The following GFRA2 variants were observed in gnomAD, a reference collection of about 807,000 sequenced individuals.
The protein encoded by GFRA2 is GDNF family receptor alpha 2.
A neutral mutation model predicts 48.3 loss-of-function variants in GFRA2; 17 were observed. The observed-to-expected ratio is 0.35, with a 90% CI of 0.24 to 0.53. The LOEUF (loss-of-function observed/expected upper bound fraction) is 0.53. GFRA2 is among the 20% of genes least tolerant of loss of function. The pLI, the probability that GFRA2 is intolerant of heterozygous loss-of-function variation, is 0.93. For synonymous variants in GFRA2, 305 were observed against 257.2 expected (o/e 1.19, Z -1.78); for missense variants, 660 against 637.3 (o/e 1.04, Z -0.38).
chr8:21,789,940 G>T, upstream of GFRA2: 1 of 383,614 alleles, frequency 2.6e-6, no homozygotes, highest in South Asian at 1.1e-4. Context: ...CCGGGGCTCC[G>T]CAGCCGGCTG....
rs760531051 is a variant in GFRA2 at position 21,694,481 on chromosome 8, T to G, written c.1255A>C (p.Ser419Arg). ...GLKANNSKEL[S>R]MCFTELTTNI... ...CAACTCACCTCTGTGAAGCACATGCTTAACTCTTTGGAGTTGTTGGCCTTC... is the reference window on the plus strand; with the variant it reads ...CAACTCACCTCTGTGAAGCACATGCGTAACTCTTTGGAGTTGTTGGCCTTC... The change falls in exon 8 of 9, where the codon AGC becomes CGC. Residue 419 changes from serine to arginine, a missense_variant. Ser to Arg is a moderately radical substitution (Grantham distance 110). Coordinates refer to ENST00000524240, the MANE Select transcript of GFRA2 (RefSeq NM_001495.5). The G allele has an allele frequency of 6.2e-7, 1 of 1,612,530 alleles. No individual in the cohort carries two copies.
Position 21,702,856 on chromosome 8 carries a change from A to C in GFRA2, c.1167T>G (p.Ser389Arg). 1 of 1,610,302 alleles carries C rather than the reference A, an allele frequency of 6.2e-7. No homozygotes were observed. The highest frequency in any genetic ancestry group is 8.5e-7 in the Non-Finnish European group (1 of 1,178,090). The change falls in exon 7 of 9, where the codon AGT becomes AGG. Residue 389 changes from serine to arginine, a missense_variant. Ser to Arg is a moderately radical substitution (Grantham distance 110, BLOSUM62 -1). Coordinates refer to ENST00000524240, the MANE Select transcript of GFRA2 (RefSeq NM_001495.5). ...EKTPSLPDDL[S>R]DSTSLGTSVI... ...CACTGGTCCCCAAGCTGGTACTGTCACTGAGGTCATCTGGCAAAGAAGGCG... is the reference window on the plus strand; with the variant it reads ...CACTGGTCCCCAAGCTGGTACTGTCCCTGAGGTCATCTGGCAAAGAAGGCG...
rs139210291 is a variant in GFRA2, at chr8:21,701,117, G to A, written c.1218+1688C>T. 2.3e-3 allele frequency among the ~76,000 whole-genome samples: 348 copies of A among 152,342 alleles called. 1 individual carries two copies. The highest frequency in any genetic ancestry group is 7.8e-3 in the African/African-American group (326 of 41,580). On this transcript the variant is annotated intron_variant, in intron 7 of 8. Transcript: ENST00000524240. ...AGGTGCTCATTAAAAACATTGTGCC[G>A]GGCGCGGGGGCTCACGCCTGTAATC... is the stretch of plus-strand genomic sequence containing the variant.
intron 3 of GFRA2, among the ~76,000 whole-genome samples, chr8:21,762,850 C>T (rs1360604787): frequency 6.6e-6 from 1 of 151,986 alleles, no homozygotes; most frequent in East Asian, 1.9e-4. Context: ...TTTTACCATT[C>T]TCATACAAAA....
At chr8:21,757,901 C>T (rs545806416) in intron 3 of GFRA2, among the ~76,000 whole-genome samples, 20 of 152,254 alleles carry the variant, frequency 1.3e-4, no homozygotes, top group African/African-American at 4.8e-4. Flanking sequence ...AATGATAACA[C>T]CTATGTTGGT....
intron 3 of GFRA2, among the ~76,000 whole-genome samples, chr8:21,753,938 G>A (rs1456518305): frequency 1.3e-5 from 2 of 152,152 alleles, no homozygotes; most frequent in Non-Finnish European, 2.9e-5. Context: ...CGTGGCCACA[G>A]GGCCTTTGCA....
intron 4 of GFRA2, among the ~76,000 whole-genome samples, chr8:21,719,017 G>GC (rs942343547): frequency 2.0e-5 from 3 of 151,790 alleles, no homozygotes; most frequent in Non-Finnish European, 4.4e-5. Context: ...TGCCTCCTTG[G>GC]CCCCCCCTTG....
chr8:21,767,205 C>G (rs1806209852), intron 3 of GFRA2, among the ~76,000 whole-genome samples: 1 of 148,064 alleles, frequency 6.8e-6, no homozygotes, highest in Admixed American at 6.8e-5. Flanking sequence ...CTACACATAT[C>G]CACCATGCCC....
chr8:21,810,802 G>A (rs1179424594), intron 1 of GFRA2, among the ~76,000 whole-genome samples: 1 of 152,172 alleles, frequency 6.6e-6, no homozygotes, highest in African/African-American at 2.4e-5. Context: ...TGAGGTGTAA[G>A]TGAGGCTCCT....
At position 21,762,837 on chromosome 8, in the gene GFRA2, G is replaced by A. The variant is rs149349403; in HGVS notation, c.440-11895C>T. Among the ~76,000 whole-genome samples the A allele has an allele frequency of 5.4e-3, 827 of 151,924 alleles. 57 individuals are homozygous for A. In the East Asian group the frequency reaches 0.14, roughly 26 times the overall value. ...ATTTGGGGGGTTTTTTAATATTTAG[G>A]GTTTTTACCATTCTCATACAAAATT... On this transcript the variant is annotated intron_variant, in intron 3 of 8. Transcript: ENST00000524240.
At chr8:21,779,537 G>T (rs1806871861) in intron 2 of GFRA2, 1 of 152,274 alleles carries the variant, frequency 6.6e-6, no homozygotes, top group Non-Finnish European at 1.5e-5. Flanking sequence ...AAGAAGACAA[G>T]AAACACAACT....
chr8:21,696,212 C>T (rs1017871962), intron 7 of GFRA2, among the ~76,000 whole-genome samples: 1 of 149,872 alleles, frequency 6.7e-6, no homozygotes, highest in Admixed American at 6.6e-5. Flanking sequence ...CCTCTCCCCT[C>T]TCCTCTGTCC....
intron 4 of GFRA2, among the ~76,000 whole-genome samples, chr8:21,720,614 T>C (rs1057360450): frequency 1.3e-5 from 2 of 152,148 alleles, no homozygotes; most frequent in African/African-American, 2.4e-5. Context: ...CCCAACCCTA[T>C]AGCAACTTCA....
At chr8:21,726,647 G>A (rs561253100) in intron 4 of GFRA2, among the ~76,000 whole-genome samples, 1 of 152,004 alleles carries the variant, frequency 6.6e-6, no homozygotes, top group East Asian at 1.9e-4. Context: ...CTTCTTCCTT[G>A]TGTCTCTGTG....
intron 7 of GFRA2, among the ~76,000 whole-genome samples, chr8:21,701,125 GGGC>G: frequency 6.6e-6 from 1 of 152,316 alleles, no homozygotes; most frequent in South Asian, 2.1e-4. Context: ...CCGGGCGCGG[GGGC>G]TCACGCCTGT....
chr8:21,808,243 AT>A (rs1290976162), intron 1 of GFRA2, among the ~76,000 whole-genome samples: 1 of 152,194 alleles, frequency 6.6e-6, no homozygotes, highest in Non-Finnish European at 1.5e-5. Context: ...ATGGTGGAAT[AT>A]TTAAGGCAAA....
chr8:21,693,536 G>A (rs530022728), intron 8 of GFRA2, 136 bp from the exon 9 acceptor site: 217 of 763,616 alleles, frequency 2.8e-4, no homozygotes, highest in Non-Finnish European at 4.2e-4. Context: ...TCCACCCACA[G>A]GGACCCTCCT....
At chr8:21,720,330 G>C (rs561626924) in intron 4 of GFRA2, among the ~76,000 whole-genome samples, 2 of 152,300 alleles carry the variant, frequency 1.3e-5, no homozygotes, top group African/African-American at 4.8e-5. Flanking sequence ...GTCACAAAGG[G>C]TATAGCCTAG....
intron 4 of GFRA2, among the ~76,000 whole-genome samples, chr8:21,730,738 G>T (rs1209693334): frequency 6.6e-6 from 1 of 152,124 alleles, no homozygotes; most frequent in African/African-American, 2.4e-5. Flanking sequence ...AGAATGTACA[G>T]CCCTCAAGGT....
Sources: allele counts gnomAD v4.1 joint callset (sites outside exome capture counted in the v4.1 genomes callset), GRCh38; gene constraint gnomAD v4.1.1; transcripts MANE v1.5; gene names NCBI Gene and HGNC (gene_info 2026-07-23, HGNC 2026-07-21).